YAE1: variants seen among roughly 807,000 people sequenced by gnomAD.
YAE1 encodes the protein YAE1 maturation factor of ABCE1.
Under a neutral mutation model 23.0 loss-of-function variants are expected in YAE1, and 22 were observed. The ratio of observed to expected loss-of-function variants is 0.96; its 90% CI spans 0.68 to 1.37. YAE1 has a LOEUF of 1.37. Ranked by LOEUF, YAE1 falls within the 40% of genes most tolerant of loss-of-function variation. The probability of loss-of-function intolerance (pLI) is 0.00; values close to 1 mark genes in which losing one functional copy is unlikely to be tolerated. For missense variants in YAE1, 260 were observed against 262.1 expected, an observed-to-expected ratio of 0.99 and a Z score of 0.06; for synonymous variants, 101 against 97.0, an observed-to-expected ratio of 1.04 and a Z score of -0.24.
intron 2 of YAE1, among the ~76,000 whole-genome samples, chr7:39,590,792 G>T (rs1025827733): frequency 3.3e-5 from 5 of 152,098 alleles, no homozygotes; most frequent in Non-Finnish European, 7.4e-5. Flanking sequence ...GGAGAATTTT[G>T]GATTTCAGAT....
At chr7:39,568,268 T>C (rs1336807752) in intron 1 of YAE1, among the ~76,000 whole-genome samples, 1 of 151,318 alleles carries the variant, frequency 6.6e-6, no homozygotes, top group African/African-American at 2.4e-5. Flanking sequence ...AATATATATA[T>C]ATATAGTTAA....
intron 2 of YAE1, among the ~76,000 whole-genome samples, chr7:39,586,895 A>G (rs1263934187): frequency 6.6e-6 from 1 of 152,206 alleles, no homozygotes; most frequent in African/African-American, 2.4e-5. Flanking sequence ...ATGAGATGAT[A>G]GACGTGCAAG....
intron 2 of YAE1, among the ~76,000 whole-genome samples, chr7:39,588,413 G>A (rs559886072): frequency 2.6e-4 from 40 of 151,572 alleles, no homozygotes; most frequent in Non-Finnish European, 4.0e-4. Flanking sequence ...TCAGGTGGCT[G>A]AGGCAGGAGA....
At chr7:39,584,984 C>A (rs1583675235) in intron 2 of YAE1, among the ~76,000 whole-genome samples, 1 of 152,230 alleles carries the variant, frequency 6.6e-6, no homozygotes, top group East Asian at 1.9e-4. Context: ...CAGTTCCTTG[C>A]ATGTCCTGCA....
chr7:39,605,685 C>T (rs1791119605), intron 2 of YAE1, among the ~76,000 whole-genome samples: 1 of 152,154 alleles, frequency 6.6e-6, no homozygotes, highest in South Asian at 2.1e-4. Context: ...CTGCAGATCT[C>T]GGGACTTCTC....
intron 2 of YAE1, among the ~76,000 whole-genome samples, chr7:39,601,101 G>A (rs1013335998): frequency 1.3e-5 from 2 of 152,132 alleles, no homozygotes; most frequent in Admixed American, 6.5e-5. Flanking sequence ...ATGTAAGCAG[G>A]CATTATTCAA....
rs1173319174 is a variant in YAE1, at chr7:39,572,800, CT to C, written c.*95del. On this transcript the variant is annotated 3_prime_UTR_variant, in exon 3 of 3. Coordinates refer to ENST00000223273, the MANE Select transcript of YAE1 (RefSeq NM_020192.5). ...CTGGTTTCTGCATCAAACACCTCAA[CT>C]GTAGGGTTACCCTTTATGGAAGTTT... The C allele has an allele frequency of 6.1e-6, 9 of 1,472,616 alleles. No individual in the cohort carries two copies. The highest frequency in any genetic ancestry group is 8.1e-6 in the Non-Finnish European group (9 of 1,117,614). The allele number at this position is 1,472,616 out of a possible 1,614,324, so 91.2% of individuals were successfully genotyped here.
intron 1 of YAE1, chr7:39,569,796 A>G (rs1453533817): frequency 3.9e-6 from 3 of 768,536 alleles, no homozygotes; most frequent in Non-Finnish European, 4.8e-6. Flanking sequence ...AACGGGTTCA[A>G]TACTCTTCCA....
chr7:39,602,597 A>C (rs985684076), intron 2 of YAE1, among the ~76,000 whole-genome samples: 2 of 152,250 alleles, frequency 1.3e-5, no homozygotes, highest in Non-Finnish European at 2.9e-5. Context: ...GAATGACTAC[A>C]GCTGCTTCAT....
chr7:39,610,124 A>G (rs1791188747), exon 3 of YAE1: 2 of 949,094 alleles, frequency 2.1e-6, no homozygotes, highest in South Asian at 1.8e-5. Context: ...CTAGAACAAT[A>G]TGTACACGTC....
At chr7:39,576,641 C>T (rs1436399020), downstream of YAE1, among the ~76,000 whole-genome samples, 1 of 152,224 alleles carries the variant, frequency 6.6e-6, no homozygotes, top group Non-Finnish European at 1.5e-5. Context: ...ATTTCAGCTT[C>T]ATCAGGCAGA....
At chr7:39,606,563 G>T (rs1791132824) in intron 2 of YAE1, among the ~76,000 whole-genome samples, 1 of 152,208 alleles carries the variant, frequency 6.6e-6, no homozygotes, top group Non-Finnish European at 1.5e-5. Flanking sequence ...CTTCTGCTGA[G>T]CATGGAGGTG....
chr7:39,586,176 C>CT (rs3038969), intron 2 of YAE1, among the ~76,000 whole-genome samples: 11,294 of 142,510 alleles, frequency 0.079, 1,399 homozygotes, highest in African/African-American at 0.26. Flanking sequence ...TTTTTTTCCT[C>CT]TTTTTTTTTT....
At chr7:39,604,986 TAGA>T (rs1203629590) in intron 2 of YAE1, among the ~76,000 whole-genome samples, 1 of 152,362 alleles carries the variant, frequency 6.6e-6, no homozygotes, top group East Asian at 1.9e-4. Flanking sequence ...TTCCAAAGGT[TAGA>T]AGAAGAACAA....
intron 2 of YAE1, among the ~76,000 whole-genome samples, chr7:39,604,270 C>A (rs779414920): frequency 6.6e-6 from 1 of 152,330 alleles, no homozygotes; most frequent in East Asian, 1.9e-4. Context: ...AGAAGCAACT[C>A]AACAGAGTTT....
At chr7:39,587,194 T>C (rs1373235994) in intron 2 of YAE1, among the ~76,000 whole-genome samples, 1 of 152,016 alleles carries the variant, frequency 6.6e-6, no homozygotes, top group Non-Finnish European at 1.5e-5. Flanking sequence ...GCAGCTGTTA[T>C]TACAGGCATG....
chr7:39,605,649 G>C (rs1791119204), intron 2 of YAE1, among the ~76,000 whole-genome samples: 1 of 152,102 alleles, frequency 6.6e-6, no homozygotes, highest in African/African-American at 2.4e-5. Context: ...CTATACATTG[G>C]CTCTCCTGGG....
intron 2 of YAE1, among the ~76,000 whole-genome samples, chr7:39,585,417 C>A (rs189471512): frequency 6.6e-6 from 1 of 152,084 alleles, no homozygotes; most frequent in East Asian, 1.9e-4. Flanking sequence ...TGCTCATATA[C>A]GGAGGAAAAA....
At chr7:39,576,004 C>T (rs2115787047), downstream of YAE1, among the ~76,000 whole-genome samples, 1 of 152,316 alleles carries the variant, frequency 6.6e-6, no homozygotes, top group Middle Eastern at 3.4e-3. Flanking sequence ...CTGACTGCTG[C>T]TTAGATGTAG....
Sources: gnomAD v4.1 joint callset for allele counts (sites outside exome capture counted in the v4.1 genomes callset) on GRCh38, gnomAD v4.1.1 for gene constraint, MANE v1.5 for transcripts, NCBI Gene and HGNC (gene_info 2026-07-23, HGNC 2026-07-21) for gene names.